ING5: variants seen among roughly 807,000 people sequenced by gnomAD.
The protein encoded by ING5 is inhibitor of growth family member 5, also known as inhibitor of growth protein 5.
Under a neutral mutation model 37.4 loss-of-function variants are expected in ING5, and 17 were observed. The observed-to-expected ratio is 0.45, with a 90% CI of 0.31 to 0.68. ING5 has a LOEUF of 0.68. Ranked by LOEUF, ING5 falls within the 30% of genes least tolerant of loss-of-function variation. The pLI, the probability that ING5 is intolerant of heterozygous loss-of-function variation, is 0.05. For synonymous variants in ING5, 123 were observed against 116.6 expected (o/e 1.06, Z -0.36); for missense variants, 233 against 311.9 (o/e 0.75, Z 1.91).
chr2:241,716,734 C>T (rs1239960462), intron 5 of ING5, among the ~76,000 whole-genome samples: 3 of 152,126 alleles, frequency 2.0e-5, no homozygotes, highest in African/African-American at 4.8e-5. Context: ...TGCTGTTGTC[C>T]TTCACTTTGC....
At chr2:241,715,108 C>T (rs1383605346) in intron 5 of ING5, among the ~76,000 whole-genome samples, 1 of 152,016 alleles carries the variant, frequency 6.6e-6, no homozygotes, top group East Asian at 1.9e-4. Context: ...TTGTTGCACT[C>T]CACAAATTTT....
In ING5 at chr2:241,720,982, C is replaced by T. The variant is rs574491758; in HGVS notation, c.483-1957C>T. 7.1e-6 allele frequency: 7 copies of T among 985,710 alleles called. No homozygotes were observed. The East Asian group carries it at 4.5e-4, about 64-fold the overall frequency. 61.1% of individuals were successfully genotyped at this position (985,710 alleles called of 1,614,324 possible). A position where few individuals can be genotyped will look rare whatever the true frequency, so the allele number is the denominator to read the frequency against. Reference sequence around the variant, plus strand: ...TCAGGCCCCCGGCCCTCTCCCACAGCCATCAAATCTGGCCAGCGCCCTCGA... The same window carrying T: ...TCAGGCCCCCGGCCCTCTCCCACAGTCATCAAATCTGGCCAGCGCCCTCGA... On this transcript the variant is annotated intron_variant, in intron 5 of 7. Transcript: ENST00000313552.
chr2:241,689,443 G>A lies in ING5; in HGVS notation c.-773-395G>A, dbSNP rs964114963. On this transcript the variant is annotated intron_variant, in intron 1 of 7. Coordinates refer to the ING5 transcript ENST00000636051. ...CTTCCTTTACGTCAAGCTTAGTGGT[G>A]AGACTTCCAAATGGTAATGTAAAGT... Among the ~76,000 whole-genome samples, 35 of 152,290 alleles carry A rather than the reference G, an allele frequency of 2.3e-4. 1 individual carries two copies. Among genetic ancestry groups the A allele is most frequent in the Admixed American group, 2.0e-3 (30 of 15,290 alleles).
chr2:241,687,281 C>T lies in ING5; in HGVS notation c.-1555C>T, dbSNP rs1211663765. 1.0e-5 allele frequency: 4 copies of T among 398,388 alleles called. No homozygotes were observed. The East Asian group carries it at 1.4e-4, about 14-fold the overall frequency. 24.7% of individuals were successfully genotyped at this position (398,388 alleles called of 1,614,324 possible). A position where few individuals can be genotyped will look rare whatever the true frequency, so the allele number is the denominator to read the frequency against. ...CCGGTCACGCGGCGCGCGAGACGAA[C>T]GAGCGAGATGCTTCCCGAAGCGCGG... is the stretch of plus-strand genomic sequence containing the variant. On this transcript the variant is annotated 5_prime_UTR_variant, in exon 1 of 8. Transcript: ENST00000636051.
intron 1 of ING5, among the ~76,000 whole-genome samples, chr2:241,688,722 C>G (rs1486712945): frequency 6.6e-6 from 1 of 152,186 alleles, no homozygotes; most frequent in African/African-American, 2.4e-5. Context: ...CTCCCGGGTT[C>G]AAGCTATTCT....
chr2:241,704,431 G>A (rs2069840303), intron 1 of ING5, among the ~76,000 whole-genome samples: 1 of 152,164 alleles, frequency 6.6e-6, no homozygotes, highest in South Asian at 2.1e-4. Flanking sequence ...AGCCGGGCAT[G>A]GTGGCATGTG....
chr2:241,708,268 C>T (rs1450283160), intron 2 of ING5, among the ~76,000 whole-genome samples: 4 of 150,488 alleles, frequency 2.7e-5, no homozygotes, highest in Admixed American at 6.7e-5. Context: ...ACTGCAGTGG[C>T]GCTATCTTGG....
chr2:241,702,205 A>T, intron 1 of ING5, 103 bp downstream of exon 1: 1 of 497,950 alleles, frequency 2.0e-6, no homozygotes, highest in Non-Finnish European at 2.6e-6. Flanking sequence ...TGGGCTCGGG[A>T]GGGCGGCGGG....
chr2:241,723,877 G>T, intron 7 of ING5: 1 of 1,447,834 alleles, frequency 6.9e-7, no homozygotes, highest in South Asian at 1.1e-5. Context: ...GGGCGTGGTG[G>T]TGCGTGCCTG....
In ING5 at chr2:241,712,030, A is replaced by G; in HGVS notation, c.441A>G (p.Thr147=). ...KRGSRGRGRR[T]SEEDTPKKKK... is the part of the protein sequence containing the mutation. ...GGTCCCGGGGCCGAGGCAGGAGGAC[A>G]TCAGAGGAAGACACACCAAAGAAAA... Residue 147 remains threonine (T), a synonymous_variant, in exon 5 of 8, where the codon ACA becomes ACG. Coordinates refer to ENST00000313552, the MANE Select transcript of ING5 (RefSeq NM_032329.6). 6 of 1,612,854 alleles carry G rather than the reference A, an allele frequency of 3.7e-6. No individual in the cohort carries two copies. Among genetic ancestry groups the G allele is most frequent in the Non-Finnish European group, 4.2e-6 (5 of 1,179,490 alleles).
At chr2:241,696,925 T>C (rs928494099) in intron 2 of ING5, among the ~76,000 whole-genome samples, 2 of 151,304 alleles carry the variant, frequency 1.3e-5, no homozygotes, top group African/African-American at 4.9e-5. Flanking sequence ...CTACTAAAAA[T>C]ACAAAAATTA....
At chr2:241,704,055 G>A (rs144558761) in intron 1 of ING5, among the ~76,000 whole-genome samples, 1,645 of 152,258 alleles carry the variant, frequency 0.011, 27 homozygotes, top group African/African-American at 0.037. Flanking sequence ...GCTCACTGAG[G>A]GGGGGCAGCC....
At chr2:241,711,639 G>A (rs1040938733) in intron 4 of ING5, 151 bp downstream of exon 4, 65 of 643,706 alleles carry the variant, frequency 1.0e-4, no homozygotes, top group Non-Finnish European at 1.4e-4. Context: ...GGTGGCTTAC[G>A]CCTGTAACCC....
At chr2:241,723,346 T>C (rs7572153) in intron 7 of ING5, 75 bp downstream of exon 7, 899,415 of 1,459,754 alleles carry the variant, frequency 0.62, 282,939 homozygotes, top group African/African-American at 0.85. Flanking sequence ...CAGGAGAAGG[T>C]GCTCCATGGC....
At chr2:241,697,592 C>T (rs2069649304), upstream of ING5, among the ~76,000 whole-genome samples, 1 of 152,110 alleles carries the variant, frequency 6.6e-6, no homozygotes, top group African/African-American at 2.4e-5. Flanking sequence ...TGAAAAGGCT[C>T]ATACTGTATG....
At chr2:241,700,515 G>A (rs575687648), upstream of ING5, among the ~76,000 whole-genome samples, 2 of 151,686 alleles carry the variant, frequency 1.3e-5, no homozygotes, top group South Asian at 4.2e-4. Context: ...GAGTGCAGTG[G>A]TGCAATCTCG....
intron 5 of ING5, among the ~76,000 whole-genome samples, chr2:241,714,753 G>A (rs767864147): frequency 3.3e-5 from 5 of 151,838 alleles, no homozygotes; most frequent in Non-Finnish European, 7.4e-5. Flanking sequence ...ACAGACATGC[G>A]CCACTATGCC....
At chr2:241,717,022 C>A (rs1223460434) in intron 5 of ING5, among the ~76,000 whole-genome samples, 1 of 151,508 alleles carries the variant, frequency 6.6e-6, no homozygotes, top group African/African-American at 2.4e-5. Flanking sequence ...GTTCTCACCA[C>A]AAAAGTCACC....
intron 7 of ING5, 103 bp downstream of exon 7, chr2:241,723,374 A>G: frequency 7.7e-7 from 1 of 1,291,442 alleles, no homozygotes; most frequent in Non-Finnish European, 1.1e-6. Context: ...TGCCGGGCTT[A>G]GCGGGACACG....
Sources: gnomAD v4.1 joint callset for allele counts (sites outside exome capture counted in the v4.1 genomes callset) on GRCh38, gnomAD v4.1.1 for gene constraint, MANE v1.5 for transcripts, NCBI Gene and HGNC (gene_info 2026-07-23, HGNC 2026-07-21) for gene names.